CSMD1: variants seen among roughly 807,000 people sequenced by gnomAD.
CSMD1 encodes the protein CUB and Sushi multiple domains 1.
CSMD1 carries 213 observed loss-of-function variants against 417.5 expected under a neutral mutation model. The observed-to-expected ratio is 0.51, with a 90% CI of 0.46 to 0.57. The LOEUF is 0.57. Ranked by LOEUF, CSMD1 falls within the 20% of genes least tolerant of loss-of-function variation. CSMD1 has a pLI of 0.00. For synonymous variants in CSMD1, 2,862 were observed against 1,736.8 expected, an observed-to-expected ratio of 1.65 and a Z score of -16.11; for missense variants, 6,923 against 4,529.7, an observed-to-expected ratio of 1.53 and a Z score of -15.17.
chr8:3,191,922 T>G (rs1796448966), intron 33 of CSMD1, among the ~76,000 whole-genome samples: 1 of 152,210 alleles, frequency 6.6e-6, no homozygotes, highest in Admixed American at 6.5e-5. Context: ...TTTAGCAGAA[T>G]GTTCTCGTAT....
At chr8:4,664,921 T>C (rs1020291025) in intron 1 of CSMD1, among the ~76,000 whole-genome samples, 2 of 152,198 alleles carry the variant, frequency 1.3e-5, no homozygotes, top group Admixed American at 6.5e-5. Flanking sequence ...AAAACTTGCA[T>C]TAGGAATGTG....
At chr8:4,705,919 T>A (rs141632907) in intron 1 of CSMD1, among the ~76,000 whole-genome samples, 2 of 152,120 alleles carry the variant, frequency 1.3e-5, no homozygotes, top group African/African-American at 4.8e-5. Flanking sequence ...GGTCTATTGT[T>A]GGTGCTGCTT....
chr8:3,098,996 C>T (rs1427351395), intron 46 of CSMD1, among the ~76,000 whole-genome samples: 1 of 151,840 alleles, frequency 6.6e-6, no homozygotes, highest in African/African-American at 2.4e-5. Context: ...GACCAACCGC[C>T]CCAAAAAGCT....
intron 52 of CSMD1, among the ~76,000 whole-genome samples, chr8:3,006,251 C>A (rs1738324017): frequency 6.6e-6 from 1 of 151,536 alleles, no homozygotes; most frequent in African/African-American, 2.4e-5. Context: ...AACTACAAAC[C>A]ACTGCTCAAG....
At chr8:3,542,472 T>G (rs917012434) in intron 10 of CSMD1, among the ~76,000 whole-genome samples, 1 of 152,236 alleles carries the variant, frequency 6.6e-6, no homozygotes, top group African/African-American at 2.4e-5. Flanking sequence ...GACCTTGCTT[T>G]CTTTCTCAGG....
intron 23 of CSMD1, among the ~76,000 whole-genome samples, chr8:3,313,041 C>G (rs1805473438): frequency 6.6e-6 from 1 of 152,144 alleles, no homozygotes; most frequent in Non-Finnish European, 1.5e-5. Flanking sequence ...TAGGAGAATT[C>G]TGAAATGACA....
At chr8:4,572,631 T>G (rs886686735) in intron 2 of CSMD1, among the ~76,000 whole-genome samples, 6 of 152,148 alleles carry the variant, frequency 3.9e-5, no homozygotes, top group Admixed American at 3.9e-4. Context: ...CTGAGCGGTG[T>G]TCTCTGTATT....
At chr8:4,285,533 C>A (rs1459258443) in intron 3 of CSMD1, among the ~76,000 whole-genome samples, 1 of 152,162 alleles carries the variant, frequency 6.6e-6, no homozygotes, top group African/African-American at 2.4e-5. Flanking sequence ...TTTCGGATAT[C>A]AGGGCTTTCT....
At chr8:3,208,325 G>A (rs545130800) in intron 30 of CSMD1, among the ~76,000 whole-genome samples, 62 of 152,230 alleles carry the variant, frequency 4.1e-4, no homozygotes, top group African/African-American at 1.5e-3. Context: ...GGAGTGCAGT[G>A]GTGTGATGTC....
intron 1 of CSMD1, among the ~76,000 whole-genome samples, chr8:4,878,841 G>A (rs1377045305): frequency 6.6e-6 from 1 of 151,632 alleles, no homozygotes; most frequent in Non-Finnish European, 1.5e-5. Flanking sequence ...TTTTTAATAT[G>A]TCACCGAGAC....
At chr8:3,317,577 G>A (rs1805857783) in intron 23 of CSMD1, among the ~76,000 whole-genome samples, 2 of 152,122 alleles carry the variant, frequency 1.3e-5, no homozygotes, top group Admixed American at 1.3e-4. Flanking sequence ...AGCCCAGAAT[G>A]ACTTAATTTT....
At chr8:4,308,713 G>C (rs964531127) in intron 3 of CSMD1, among the ~76,000 whole-genome samples, 3 of 152,200 alleles carry the variant, frequency 2.0e-5, no homozygotes, top group African/African-American at 7.2e-5. Flanking sequence ...GCATTTGCAT[G>C]ATTTAGAGTA....
At chr8:4,043,802 C>T (rs1798012972) in intron 3 of CSMD1, among the ~76,000 whole-genome samples, 3 of 151,998 alleles carry the variant, frequency 2.0e-5, no homozygotes, top group Admixed American at 1.3e-4. Flanking sequence ...TATTTCAAAC[C>T]TTACACGTCT....
At chr8:4,785,688 A>G (rs1797366380) in intron 1 of CSMD1, among the ~76,000 whole-genome samples, 2 of 152,172 alleles carry the variant, frequency 1.3e-5, no homozygotes, top group South Asian at 4.1e-4. Context: ...AAATGAAGAA[A>G]GGAGAAAGGA....
At chr8:3,239,880 G>T (rs751892044) in intron 26 of CSMD1, among the ~76,000 whole-genome samples, 2 of 152,102 alleles carry the variant, frequency 1.3e-5, no homozygotes, top group Non-Finnish European at 2.9e-5. Context: ...GAATAATGTG[G>T]GAGGCTGGAT....
intron 1 of CSMD1, among the ~76,000 whole-genome samples, chr8:4,904,424 C>A (rs555038719): frequency 9.9e-5 from 15 of 152,100 alleles, no homozygotes; most frequent in Non-Finnish European, 1.9e-4. Flanking sequence ...TTATATCTCA[C>A]AAATAAAACT....
chr8:4,760,884 TAG>T (rs1563316474), intron 1 of CSMD1, among the ~76,000 whole-genome samples: 2 of 152,182 alleles, frequency 1.3e-5, no homozygotes, highest in African/African-American at 4.8e-5. Context: ...CATGACCTTT[TAG>T]AAAGTGTGCA....
intron 3 of CSMD1, among the ~76,000 whole-genome samples, chr8:4,140,397 C>A (rs1408381536): frequency 6.6e-6 from 1 of 150,918 alleles, no homozygotes; most frequent in Admixed American, 6.6e-5. Flanking sequence ...ACTTCGGAGC[C>A]TGAAGCAGGA....
chr8:3,629,162 C>G (rs1584985425), intron 7 of CSMD1, among the ~76,000 whole-genome samples: 1 of 151,958 alleles, frequency 6.6e-6, no homozygotes, highest in Non-Finnish European at 1.5e-5. Context: ...CCGGGATGTT[C>G]GCAGGACGCA....
Sources: allele counts gnomAD v4.1 joint callset (sites outside exome capture counted in the v4.1 genomes callset), GRCh38; gene constraint gnomAD v4.1.1; transcripts MANE v1.5; gene names NCBI Gene and HGNC (gene_info 2026-07-23, HGNC 2026-07-21).